The following TUSC7 variants were observed in gnomAD, a reference collection of about 807,000 sequenced individuals.
TUSC7 encodes the protein tumor suppressor candidate 7.
At chr3:116,711,813 C>T (rs1381136371) in intron 1 of TUSC7, among the ~76,000 whole-genome samples, 2 of 152,144 alleles carry the variant, frequency 1.3e-5, no homozygotes, top group Admixed American at 1.3e-4. Context: ...AAAATACTTG[C>T]TTCTGAGTAT....
intron 1 of TUSC7, chr3:116,712,393 C>A (rs1174756925): frequency 6.6e-6 from 1 of 152,202 alleles, no homozygotes; most frequent in African/African-American, 2.4e-5. Context: ...GAAGTAACAA[C>A]CATCCCATCT....
At chr3:116,716,657 G>C (rs554157657) in intron 1 of TUSC7, 1 of 152,270 alleles carries the variant, frequency 6.6e-6, no homozygotes, top group South Asian at 2.1e-4. Flanking sequence ...GCACGACTCA[G>C]CAGCCTGGAC....
intron 1 of TUSC7, chr3:116,710,371 A>G (rs2051453309): frequency 6.6e-6 from 1 of 152,166 alleles, no homozygotes; most frequent in African/African-American, 2.4e-5. Context: ...CGGAGGAGAG[A>G]AAATGCCATG....
intron 1 of TUSC7, among the ~76,000 whole-genome samples, chr3:116,711,453 G>A (rs1403146914): frequency 6.6e-6 from 1 of 152,072 alleles, no homozygotes; most frequent in Non-Finnish European, 1.5e-5. Flanking sequence ...TTATTATTCA[G>A]GAAACCTGTT....
At chr3:116,713,521 T>C (rs1369476820) in intron 1 of TUSC7, among the ~76,000 whole-genome samples, 2 of 151,044 alleles carry the variant, frequency 1.3e-5, no homozygotes, top group African/African-American at 2.4e-5. Context: ...TTATGCTAAG[T>C]ATTGAGTAGA....
At chr3:116,715,487 G>A (rs1232857908) in intron 1 of TUSC7, among the ~76,000 whole-genome samples, 1 of 152,164 alleles carries the variant, frequency 6.6e-6, no homozygotes, top group African/African-American at 2.4e-5. Flanking sequence ...GCCAATATTT[G>A]GTATTACCTG....
intron 1 of TUSC7, among the ~76,000 whole-genome samples, chr3:116,711,070 A>G (rs945136776): frequency 3.9e-5 from 6 of 152,156 alleles, no homozygotes; most frequent in African/African-American, 1.4e-4. Flanking sequence ...CAAAACCTGC[A>G]TTTTAGGATA....
intron 1 of TUSC7, among the ~76,000 whole-genome samples, chr3:116,715,935 T>C (rs1032254870): frequency 1.3e-5 from 2 of 152,214 alleles, no homozygotes; most frequent in African/African-American, 4.8e-5. Flanking sequence ...CTCCATTTAA[T>C]TCCAGTTCAA....
At chr3:116,715,236 C>T (rs996738013) in intron 1 of TUSC7, among the ~76,000 whole-genome samples, 1 of 152,104 alleles carries the variant, frequency 6.6e-6, no homozygotes, top group South Asian at 2.1e-4. Flanking sequence ...ACCAACTGAA[C>T]ATCTTGGTTA....
At chr3:116,715,549 T>C (rs1461145516) in intron 1 of TUSC7, among the ~76,000 whole-genome samples, 1 of 152,210 alleles carries the variant, frequency 6.6e-6, no homozygotes, top group East Asian at 1.9e-4. Context: ...CTCATTGTTA[T>C]TTTAATGTGT....
At chr3:116,710,653 T>C (rs770732741) in intron 1 of TUSC7, among the ~76,000 whole-genome samples, 4 of 152,162 alleles carry the variant, frequency 2.6e-5, no homozygotes, top group Non-Finnish European at 2.9e-5. Flanking sequence ...CAAATTATTT[T>C]CCCATTCACT....
At chr3:116,714,810 A>G (rs914641296) in intron 1 of TUSC7, among the ~76,000 whole-genome samples, 2 of 152,208 alleles carry the variant, frequency 1.3e-5, no homozygotes, top group African/African-American at 4.8e-5. Flanking sequence ...AACATCTGTT[A>G]CAATTGATGA....
intron 1 of TUSC7, chr3:116,716,834 T>C (rs539219164): frequency 1.1e-4 from 17 of 152,298 alleles, no homozygotes; most frequent in African/African-American, 4.1e-4. Context: ...CGGACTCTTT[T>C]CTGGCCTCTG....
intron 1 of TUSC7, chr3:116,712,726 T>C (rs1262408858): frequency 6.6e-6 from 1 of 151,980 alleles, no homozygotes; most frequent in Non-Finnish European, 1.5e-5. Flanking sequence ...GAGAGAGATA[T>C]GCTAAGTTGG....
intron 1 of TUSC7, among the ~76,000 whole-genome samples, chr3:116,710,858 G>A (rs1019700263): frequency 1.3e-5 from 2 of 151,976 alleles, no homozygotes; most frequent in African/African-American, 4.8e-5. Context: ...ATACCCCATG[G>A]CATTAACCCC....
chr3:116,712,976 A>G (rs1396775479), intron 1 of TUSC7: 1 of 152,176 alleles, frequency 6.6e-6, no homozygotes, highest in Non-Finnish European at 1.5e-5. Flanking sequence ...AATTGACTGT[A>G]TGTCATTATG....
chr3:116,713,717 G>A (rs2051481579), intron 1 of TUSC7, among the ~76,000 whole-genome samples: 1 of 152,204 alleles, frequency 6.6e-6, no homozygotes, highest in Non-Finnish European at 1.5e-5. Flanking sequence ...TGTAATCCCA[G>A]CACTTTGGGA....
At chr3:116,709,905 A>T (rs928905342) in intron 1 of TUSC7, 1 of 152,188 alleles carries the variant, frequency 6.6e-6, no homozygotes, top group Non-Finnish European at 1.5e-5. Flanking sequence ...CAGTTTCTAT[A>T]GGTAGAGGAT....
chr3:116,715,198 G>A (rs2051495467), intron 1 of TUSC7, among the ~76,000 whole-genome samples: 2 of 151,846 alleles, frequency 1.3e-5, no homozygotes, highest in Admixed American at 1.3e-4. Flanking sequence ...ATATTCCTTT[G>A]TATGTACCAC....
Sources: allele counts gnomAD v4.1 joint callset (sites outside exome capture counted in the v4.1 genomes callset), GRCh38; gene constraint gnomAD v4.1.1; transcripts MANE v1.5; gene names NCBI Gene and HGNC (gene_info 2026-07-23, HGNC 2026-07-21).